Variants in ABCC5 observed in about 807,000 individuals in gnomAD.
The protein encoded by ABCC5 is ATP binding cassette subfamily C member 5.
In ABCC5, 61 loss-of-function variants were observed where a neutral mutation model predicts 160.9. The ratio of observed to expected loss-of-function variants is 0.38; its 90% CI spans 0.31 to 0.47. The LOEUF (loss-of-function observed/expected upper bound fraction) is 0.47. Ranked by LOEUF, ABCC5 falls within the 20% of genes least tolerant of loss-of-function variation. The pLI is 0.99. For missense variants in ABCC5, 1,308 were observed against 1,813.3 expected, an observed-to-expected ratio of 0.72 and a Z score of 5.06; for synonymous variants, 666 against 700.6, an observed-to-expected ratio of 0.95 and a Z score of 0.78.
intron 14 of ABCC5, among the ~76,000 whole-genome samples, chr3:183,964,003 C>T (rs1212181511): frequency 1.3e-5 from 2 of 152,240 alleles, no homozygotes; most frequent in African/African-American, 4.8e-5. Flanking sequence ...GACCCTTTGT[C>T]ACCCAGTTCC....
At position 183,987,653 on chromosome 3, in the gene ABCC5, T is replaced by C; in HGVS notation, c.591+117A>G. 7.2e-7 allele frequency: 1 copy of C among 1,392,856 alleles called. No homozygotes were observed. Among genetic ancestry groups the C allele is most frequent in the Non-Finnish European group, 1.0e-6 (1 of 1,002,524 alleles). 86.3% of individuals were successfully genotyped at this position (1,392,856 alleles called of 1,614,324 possible). On this transcript the variant is annotated intron_variant, in intron 5 of 29. Coordinates refer to ENST00000334444, the MANE Select transcript of ABCC5 (RefSeq NM_005688.4). This position sits in a 1 kb window ranked among gnomAD's most constrained non-coding sequence, Gnocchi z 4.2. ...ACCCCTTTCAACAGACCTGAAGGCA[T>C]CTCTAAGACTGCTACCTAGCCCAAA...
chr3:183,935,990 C>T (rs1713675022), intron 26 of ABCC5, among the ~76,000 whole-genome samples: 1 of 152,174 alleles, frequency 6.6e-6, no homozygotes, highest in Non-Finnish European at 1.5e-5. Flanking sequence ...TGATTTACTG[C>T]TATGGACTAC....
intron 15 of ABCC5, among the ~76,000 whole-genome samples, chr3:183,962,634 G>A (rs1408106860): frequency 6.6e-6 from 1 of 151,644 alleles, no homozygotes; most frequent in East Asian, 1.9e-4. Flanking sequence ...TGGGTTCAAG[G>A]GATTCTCCTG....
At chr3:183,974,509 A>G (rs905927109) in intron 10 of ABCC5, among the ~76,000 whole-genome samples, 2 of 152,114 alleles carry the variant, frequency 1.3e-5, no homozygotes, top group South Asian at 2.1e-4. Context: ...GGGTTTCATA[A>G]TGTTGGCCAG....
chr3:183,975,466 C>T lies in ABCC5; in HGVS notation c.1404+2051G>A, dbSNP rs971532322. Among the ~76,000 whole-genome samples, 3 of 152,036 alleles carry T rather than the reference C, an allele frequency of 2.0e-5. No individual in the cohort carries two copies. The South Asian group carries it at 6.2e-4, about 32-fold the overall frequency. ...AAGCGATTCTCCTGCCTCAGCCTCC[C>T]GAGTAGCTGGGACTACAGGCACACA... On this transcript the variant is annotated intron_variant, in intron 10 of 29. Coordinates refer to ENST00000334444, the MANE Select transcript of ABCC5 (RefSeq NM_005688.4).
intron 24 of ABCC5, 58 bp downstream of exon 24, chr3:183,945,792 A>AG (rs1438715105): frequency 4.3e-5 from 62 of 1,431,840 alleles, no homozygotes; most frequent in Non-Finnish European, 5.3e-5. Context: ...GAGGCAGCAA[A>AG]GGGTAAACCG....
chr3:184,014,526 G>C, intron 1 of ABCC5, 79 bp from the exon 2 acceptor site: 2 of 530,178 alleles, frequency 3.8e-6, no homozygotes, highest in Non-Finnish European at 5.3e-6. Context: ...TTAAAAATAG[G>C]AAAAAAAAAA....
At chr3:183,959,351 T>C (rs2108814142) in intron 17 of ABCC5, among the ~76,000 whole-genome samples, 1 of 152,280 alleles carries the variant, frequency 6.6e-6, no homozygotes, top group Admixed American at 6.5e-5. Context: ...GACACAGATA[T>C]TCTTAGAGCC....
At chr3:184,007,589 G>T (rs1721334338) in intron 2 of ABCC5, among the ~76,000 whole-genome samples, 1 of 152,068 alleles carries the variant, frequency 6.6e-6, no homozygotes, top group South Asian at 2.1e-4. Context: ...ACTTTGAGAG[G>T]CTGAGGCGGA....
At position 183,921,216 on chromosome 3, in the gene ABCC5, C is replaced by T. The variant is rs777587853; in HGVS notation, c.*84G>A. The T allele has an allele frequency of 7.2e-6, 5 of 698,864 alleles. No homozygotes were observed. Among genetic ancestry groups the T allele is most frequent in the East Asian group, 2.8e-5 (1 of 35,956 alleles). The allele number at this position is 698,864 out of a possible 1,614,324, so 43.3% of individuals were successfully genotyped here. On this transcript the variant is annotated 3_prime_UTR_variant, in exon 30 of 30. Transcript: ENST00000334444. The surrounding 1 kb of genome is among the most constrained non-coding windows in gnomAD (Gnocchi z 4.1). ...GATAAAATCGAGAAAGGCAAGGTTT[C>T]GGTAGGAGGACGCGATGAGGGGCCC... is the stretch of plus-strand genomic sequence containing the variant.
intron 26 of ABCC5, among the ~76,000 whole-genome samples, chr3:183,930,811 A>G (rs1713104912): frequency 6.6e-6 from 1 of 152,174 alleles, no homozygotes; most frequent in South Asian, 2.1e-4. Flanking sequence ...GTGAGATAGT[A>G]CATTTCTGTT....
At chr3:183,986,565 T>C (rs1462550751) in intron 5 of ABCC5, 4 of 152,142 alleles carry the variant, frequency 2.6e-5, no homozygotes, top group Admixed American at 6.5e-5. Flanking sequence ...CCATGGAATT[T>C]TTTTTAGAGG....
chr3:183,929,204 G>A (rs1282341954), intron 26 of ABCC5, among the ~76,000 whole-genome samples: 4 of 152,062 alleles, frequency 2.6e-5, no homozygotes, highest in Non-Finnish European at 2.9e-5. Flanking sequence ...AGGCCGAGGC[G>A]GGTGGATTAC....
chr3:184,002,087 G>A (rs1720787247), intron 2 of ABCC5, among the ~76,000 whole-genome samples: 2 of 152,186 alleles, frequency 1.3e-5, no homozygotes, highest in African/African-American at 4.8e-5. Context: ...TCACAGGGAA[G>A]CTAAAGAGGG....
At chr3:183,998,944 G>T (rs1473459768) in intron 2 of ABCC5, among the ~76,000 whole-genome samples, 1 of 152,006 alleles carries the variant, frequency 6.6e-6, no homozygotes, top group East Asian at 1.9e-4. Flanking sequence ...ACAAAAATTA[G>T]GCGGGCATGG....
chr3:184,005,848 AG>A, intron 2 of ABCC5, among the ~76,000 whole-genome samples: 1 of 152,176 alleles, frequency 6.6e-6, no homozygotes, highest in East Asian at 1.9e-4. Flanking sequence ...TCATTGAAAA[AG>A]TTTTCATTAA....
chr3:183,972,701 G>A (rs554353361), intron 10 of ABCC5, among the ~76,000 whole-genome samples: 1 of 152,278 alleles, frequency 6.6e-6, no homozygotes, highest in Middle Eastern at 3.4e-3. Flanking sequence ...TAGGAGTGCA[G>A]TGGCACGATC....
intron 2 of ABCC5, among the ~76,000 whole-genome samples, chr3:184,013,060 T>C (rs1000189885): frequency 4.6e-5 from 7 of 152,220 alleles, no homozygotes; most frequent in Non-Finnish European, 8.8e-5. Flanking sequence ...AGAAAAGGTA[T>C]AATGCTTTTT....
Position 183,985,059 on chromosome 3 carries a change from A to G in ABCC5, c.592-2052T>C, listed in dbSNP as rs1222719966. The G allele has an allele frequency of 4.3e-5, 29 of 677,960 alleles. 1 individual carries two copies. The highest frequency in any genetic ancestry group is 3.5e-4 in the South Asian group (18 of 51,420). The allele number at this position is 677,960 out of a possible 1,614,324, so 42.0% of individuals were successfully genotyped here. A position where few individuals can be genotyped will look rare whatever the true frequency, so the allele number is the denominator to read the frequency against. On this transcript the variant is annotated intron_variant, in intron 5 of 29. Transcript: ENST00000334444. ...CTATGCGAAACTTTCAAAGGGGGGG[A>G]AAAAGAGGAAACAGCAGATTAAAGA...
Sources: allele counts gnomAD v4.1 joint callset (sites outside exome capture counted in the v4.1 genomes callset), GRCh38; gene constraint gnomAD v4.1.1; non-coding constraint Gnocchi (gnomAD v3.1); transcripts MANE v1.5; gene names NCBI Gene and HGNC (gene_info 2026-07-23, HGNC 2026-07-21).